Variants in GPATCH2 observed in about 807,000 individuals in gnomAD.
GPATCH2 encodes G patch domain-containing protein 2.
In GPATCH2, 51 loss-of-function variants were observed where a neutral mutation model predicts 58.0. The ratio of observed to expected loss-of-function variants is 0.88; its 90% CI spans 0.70 to 1.11. The LOEUF is 1.11. Ranked by LOEUF, GPATCH2 falls within the 50% of genes most tolerant of loss-of-function variation. The pLI is 0.00. For missense variants in GPATCH2, 625 were observed against 652.2 expected (o/e 0.96, Z 0.45); for synonymous variants, 222 against 218.5 (o/e 1.02, Z -0.14).
rs190764776 is a variant in GPATCH2 at position 217,475,456 on chromosome 1, A to C, written c.1277+16224T>G. On this transcript the variant is annotated intron_variant, in intron 8 of 9. Coordinates refer to ENST00000366935, the MANE Select transcript of GPATCH2 (RefSeq NM_018040.5). ...TCCATCTCAAAAAACAAAACAAAACAAACAAACAAAAAATTAAAGAAACAA... is the reference window on the plus strand; with the variant it reads ...TCCATCTCAAAAAACAAAACAAAACCAACAAACAAAAAATTAAAGAAACAA... Among the ~76,000 whole-genome samples the C allele has an allele frequency of 5.2e-3, 796 of 152,090 alleles. 6 individuals are homozygous for C. The highest frequency in any genetic ancestry group is 6.3e-3 in the Non-Finnish European group (428 of 68,010).
chr1:217,563,851 C>A (rs140486081), intron 5 of GPATCH2, among the ~76,000 whole-genome samples: 17 of 151,902 alleles, frequency 1.1e-4, no homozygotes, highest in Non-Finnish European at 2.1e-4. Flanking sequence ...TCGAGACCAG[C>A]CTGACCAACA....
intron 5 of GPATCH2, chr1:217,608,644 T>C: frequency 1.0e-6 from 1 of 984,794 alleles, no homozygotes; most frequent in South Asian, 4.7e-5. Flanking sequence ...TTCATCTAGA[T>C]TCATGATTGA....
At chr1:217,488,861 AT>A (rs34590445) in intron 8 of GPATCH2, among the ~76,000 whole-genome samples, 18,898 of 143,688 alleles carry the variant, frequency 0.13, 2,238 homozygotes, top group African/African-American at 0.33. Context: ...ACTATTTAAA[AT>A]TTTTTTTTTT....
chr1:217,558,395 A>T (rs181606476), intron 5 of GPATCH2, among the ~76,000 whole-genome samples: 63 of 152,336 alleles, frequency 4.1e-4, no homozygotes, highest in South Asian at 1.0e-3. Flanking sequence ...AACATTAAAC[A>T]ACAATGGAAT....
In GPATCH2 at chr1:217,574,233, T is replaced by C. The variant is rs554938429; in HGVS notation, c.1098+36088A>G. Among the ~76,000 whole-genome samples, 4 of 152,340 alleles carry C rather than the reference T, an allele frequency of 2.6e-5. No homozygotes were observed. The East Asian group carries it at 7.7e-4, about 29-fold the overall frequency. On this transcript the variant is annotated intron_variant, in intron 5 of 9. Coordinates refer to ENST00000366935, the MANE Select transcript of GPATCH2 (RefSeq NM_018040.5). The stretch of plus-strand genomic sequence containing the variant: ...AGGATAGTGACACAAAATGTGCCTT[T>C]TTTACATTTTTATATATTCAGTTGC...
chr1:217,627,228 C>T (rs1488412094), intron 1 of GPATCH2, among the ~76,000 whole-genome samples: 1 of 151,988 alleles, frequency 6.6e-6, no homozygotes, highest in African/African-American at 2.4e-5. Flanking sequence ...CCTCTACCCA[C>T]AAATAAGAGA....
intron 5 of GPATCH2, among the ~76,000 whole-genome samples, chr1:217,531,671 C>A (rs1664196615): frequency 6.6e-6 from 1 of 152,092 alleles, no homozygotes; most frequent in South Asian, 2.1e-4. Context: ...TCATTACTAT[C>A]ATTAATGAAC....
intron 6 of GPATCH2, among the ~76,000 whole-genome samples, chr1:217,513,295 G>GA (rs200769669): frequency 0.01 from 1,448 of 144,644 alleles, 11 homozygotes; most frequent in Middle Eastern, 0.076. Flanking sequence ...TTGTCTCAGG[G>GA]AAAAAAAAAA....
At chr1:217,476,008 G>A (rs1409328603) in intron 8 of GPATCH2, among the ~76,000 whole-genome samples, 1 of 152,048 alleles carries the variant, frequency 6.6e-6, no homozygotes, top group Non-Finnish European at 1.5e-5. Context: ...AGGGCTCCAA[G>A]AGAGATGCCA....
chr1:217,588,549 A>G (rs1367568286), intron 5 of GPATCH2, among the ~76,000 whole-genome samples: 1 of 152,200 alleles, frequency 6.6e-6, no homozygotes, highest in Non-Finnish European at 1.5e-5. Context: ...CATCTAGTAT[A>G]TGACATTCTC....
chr1:217,435,677 A>C (rs1274053850), intron 9 of GPATCH2, among the ~76,000 whole-genome samples: 1 of 152,130 alleles, frequency 6.6e-6, no homozygotes, highest in Non-Finnish European at 1.5e-5. Context: ...TATTCTCATT[A>C]TTATTAGGAA....
chr1:217,514,006 G>C (rs919350314), intron 6 of GPATCH2, among the ~76,000 whole-genome samples: 2 of 151,874 alleles, frequency 1.3e-5, no homozygotes, highest in Non-Finnish European at 2.9e-5. Flanking sequence ...TGTATTTTTA[G>C]TAGAGACCGG....
At chr1:217,516,010 A>T (rs971033636) in intron 5 of GPATCH2, among the ~76,000 whole-genome samples, 3 of 152,038 alleles carry the variant, frequency 2.0e-5, no homozygotes, top group Admixed American at 1.3e-4. Context: ...ACAAAATGCA[A>T]TTTCATCTAA....
At chr1:217,558,312 G>A (rs1242972224) in intron 5 of GPATCH2, among the ~76,000 whole-genome samples, 3 of 152,070 alleles carry the variant, frequency 2.0e-5, no homozygotes, top group African/African-American at 4.8e-5. Context: ...GAAATGTAGT[G>A]TATACTAAAT....
At chr1:217,548,225 C>A (rs1406047680) in intron 5 of GPATCH2, among the ~76,000 whole-genome samples, 1 of 151,976 alleles carries the variant, frequency 6.6e-6, no homozygotes, top group Non-Finnish European at 1.5e-5. Flanking sequence ...CACATGGACA[C>A]ACAGAGAGGA....
chr1:217,447,361 G>A (rs1659437311), intron 9 of GPATCH2, among the ~76,000 whole-genome samples: 1 of 152,144 alleles, frequency 6.6e-6, no homozygotes, highest in South Asian at 2.1e-4. Context: ...TTACAAAGAG[G>A]CTGTAAGTAC....
rs1665394711 is a variant in GPATCH2 at position 217,552,157 on chromosome 1, T to TAAACTTCTCCTATGTATATGAATA, written c.1099-37292_1099-37269dup. The stretch of plus-strand genomic sequence containing the variant: ...CCTGATGTATATGAATAAAACCTTG[T>TAAACTTCTCCTATGTATATGAATA]AAACTTCTCCTATGTATATGAATAA... On this transcript the variant is annotated intron_variant, in intron 5 of 9. Transcript: ENST00000366935. 2.0e-5 allele frequency among the ~76,000 whole-genome samples: 3 copies of TAAACTTCTCCTATGTATATGAATA among 152,202 alleles called. No individual in the cohort carries two copies. The East Asian group carries it at 5.8e-4, about 29-fold the overall frequency.
intron 5 of GPATCH2, among the ~76,000 whole-genome samples, chr1:217,533,077 T>A (rs1054884728): frequency 7.3e-5 from 11 of 151,266 alleles, no homozygotes; most frequent in Non-Finnish European, 1.3e-4. Context: ...TAATTTTTTT[T>A]TTTTTTAGAG....
chr1:217,449,242 G>C lies in GPATCH2; in HGVS notation c.1366+7C>G, dbSNP rs1659542647. The C allele has an allele frequency of 6.6e-7, 1 of 1,511,730 alleles. No individual in the cohort carries two copies. The highest frequency in any genetic ancestry group is 1.4e-5 in the African/African-American group (1 of 73,202). The allele number at this position is 1,511,730 out of a possible 1,614,324, so 93.6% of individuals were successfully genotyped here. ...TGTGCTCCACTCTAACCCTGCTTTT[G>C]TTTTACCTGCAGTAGTAGGTCCAGG... On this transcript the variant is annotated splice_region_variant and intron_variant, in intron 9 of 9. Coordinates refer to ENST00000366935, the MANE Select transcript of GPATCH2 (RefSeq NM_018040.5).
Sources: allele counts gnomAD v4.1 joint callset (sites outside exome capture counted in the v4.1 genomes callset), GRCh38; gene constraint gnomAD v4.1.1; transcripts MANE v1.5; gene names NCBI Gene and HGNC (gene_info 2026-07-23, HGNC 2026-07-21).